Variants in PPP1R17 observed in about 807,000 individuals in gnomAD.
PPP1R17 encodes the protein protein phosphatase 1 regulatory subunit 17.
A neutral mutation model predicts 15.9 loss-of-function variants in PPP1R17; 12 were observed. That is an observed-to-expected ratio of 0.75 (90% CI 0.48 to 1.22). PPP1R17 has a LOEUF of 1.22. Among genes scored for constraint, PPP1R17 ranks in the 50% most tolerant of loss-of-function variants. The probability of loss-of-function intolerance (pLI) is 0.00; values close to 1 mark genes in which losing one functional copy is unlikely to be tolerated. For synonymous variants in PPP1R17, 63 were observed against 64.5 expected (o/e 0.98, Z 0.11); for missense variants, 211 against 187.3 (o/e 1.13, Z -0.74).
chr7:31,697,172 C>T, intron 4 of PPP1R17, 55 bp downstream of exon 4: 1 of 1,588,156 alleles, frequency 6.3e-7, no homozygotes, highest in East Asian at 2.2e-5. Context: ...GGTCAAGAAC[C>T]TTACCATCTG....
chr7:31,700,501 C>T (rs1792799402), intron 4 of PPP1R17, among the ~76,000 whole-genome samples: 1 of 152,178 alleles, frequency 6.6e-6, no homozygotes, highest in South Asian at 2.1e-4. Flanking sequence ...AGTGAAGCAA[C>T]AAGCGCTGAT....
chr7:31,700,016 G>T (rs961582536), intron 4 of PPP1R17, among the ~76,000 whole-genome samples: 17 of 152,002 alleles, frequency 1.1e-4, no homozygotes, highest in Non-Finnish European at 1.8e-4. Flanking sequence ...TTGAAATAAG[G>T]CCAATCAATA....
chr7:31,697,303 G>A (rs1792630343), intron 4 of PPP1R17, among the ~76,000 whole-genome samples, 186 bp downstream of exon 4: 1 of 152,158 alleles, frequency 6.6e-6, no homozygotes. Flanking sequence ...GCTCCCCAGG[G>A]GCTGATGTGG....
rs1792330808 is a variant in PPP1R17, at chr7:31,691,285, G to A, written c.-36-1121G>A. Among the ~76,000 whole-genome samples the A allele has an allele frequency of 2.0e-5, 3 of 152,172 alleles. No individual in the cohort carries two copies. In the South Asian group the frequency reaches 6.2e-4, roughly 32 times the overall value. On this transcript the variant is annotated intron_variant, in intron 1 of 4. Coordinates refer to ENST00000342032, the MANE Select transcript of PPP1R17 (RefSeq NM_006658.5). ...CCGGTTTATTCCTCAAAAGACAACA[G>A]AGTTGAACTCATTTTATGAGCTTGA...
intron 1 of PPP1R17, among the ~76,000 whole-genome samples, chr7:31,690,305 T>C (rs1484753547): frequency 6.6e-6 from 1 of 152,254 alleles, no homozygotes; most frequent in Non-Finnish European, 1.5e-5. Context: ...GTGCTAAGCA[T>C]GCAGCTATGC....
intron 4 of PPP1R17, among the ~76,000 whole-genome samples, chr7:31,698,128 C>T (rs2128242896): frequency 6.6e-6 from 1 of 152,298 alleles, no homozygotes; most frequent in African/African-American, 2.4e-5. Context: ...ATTATAGGAA[C>T]AGAAGAAACA....
intron 1 of PPP1R17, among the ~76,000 whole-genome samples, chr7:31,687,853 T>C (rs111443170): frequency 2.0e-4 from 31 of 152,326 alleles, no homozygotes; most frequent in African/African-American, 5.8e-4. Flanking sequence ...TCTACCCTTT[T>C]ATTCCATCCA....
rs1355061062 is a variant in PPP1R17, at chr7:31,687,574, C to T, written c.-37+268C>T. Among the ~76,000 whole-genome samples, 3 of 152,212 alleles carry T rather than the reference C, an allele frequency of 2.0e-5. No homozygotes were observed. The East Asian group carries it at 5.8e-4, about 29-fold the overall frequency. On this transcript the variant is annotated intron_variant, in intron 1 of 4. Coordinates refer to ENST00000342032, the MANE Select transcript of PPP1R17 (RefSeq NM_006658.5). ...AAGTTGGTGTATCTGCATATTCACA[C>T]AGGATAGAGAGGTTTATCTTCCAAG...
chr7:31,690,146 G>C (rs1313274321), intron 1 of PPP1R17, among the ~76,000 whole-genome samples: 3 of 152,160 alleles, frequency 2.0e-5, no homozygotes, highest in African/African-American at 7.2e-5. Flanking sequence ...AGGAGGCCTG[G>C]ACCTCCCGTG....
intron 4 of PPP1R17, among the ~76,000 whole-genome samples, chr7:31,703,331 GTTTAC>G (rs1792931817): frequency 6.6e-6 from 1 of 152,172 alleles, no homozygotes; most frequent in Non-Finnish European, 1.5e-5. Flanking sequence ...GTTGAGCTCT[GTTTAC>G]CTGGCATGAG....
Position 31,695,524 on chromosome 7 carries a change from G to C in PPP1R17, c.138G>C (p.Lys46Asn), listed in dbSNP as rs1792540695. Residue 46 changes from lysine to asparagine, a missense_variant, in exon 3 of 5, where the codon AAG becomes AAC. Lys to Asn is a moderately conservative substitution (Grantham distance 94). Coordinates refer to ENST00000342032, the MANE Select transcript of PPP1R17 (RefSeq NM_006658.5). ...KDCDLKKKPR[K>N]GKNVQATLNV... ...GTGATCTCAAAAAGAAGCCTAGAAA[G>C]GGAAAAAATGTACAGGCCACCCTGA... is the stretch of plus-strand genomic sequence containing the variant. The C allele has an allele frequency of 6.2e-7, 1 of 1,613,420 alleles. No individual in the cohort carries two copies. Among genetic ancestry groups the C allele is most frequent in the Non-Finnish European group, 8.5e-7 (1 of 1,179,812 alleles).
chr7:31,689,637 G>A (rs1395555252), intron 1 of PPP1R17, among the ~76,000 whole-genome samples: 2 of 152,104 alleles, frequency 1.3e-5, no homozygotes, highest in Non-Finnish European at 2.9e-5. Flanking sequence ...GGATAGAAAT[G>A]GAGAGTGAGT....
At chr7:31,697,209 C>T (rs1792625814) in intron 4 of PPP1R17, 92 bp downstream of exon 4, 1 of 1,486,596 alleles carries the variant, frequency 6.7e-7, no homozygotes, top group African/African-American at 1.4e-5. Context: ...GGCCGTTGTC[C>T]TGCCCCAGCA....
chr7:31,703,661 C>G (rs1047262403), intron 4 of PPP1R17, among the ~76,000 whole-genome samples: 4 of 152,196 alleles, frequency 2.6e-5, no homozygotes, highest in Admixed American at 1.3e-4. Flanking sequence ...AGGATAGAGC[C>G]TTCGGCAGAT....
chr7:31,690,630 A>G (rs1230926952), intron 1 of PPP1R17, among the ~76,000 whole-genome samples: 2 of 152,238 alleles, frequency 1.3e-5, no homozygotes. Context: ...ATTTGACTCA[A>G]GAATCCAGAT....
At chr7:31,688,158 G>A (rs528016496) in intron 1 of PPP1R17, among the ~76,000 whole-genome samples, 5 of 152,218 alleles carry the variant, frequency 3.3e-5, no homozygotes, top group South Asian at 4.2e-4. Context: ...ACCTGGGCTC[G>A]GGACTCCATG....
rs10452754 is a variant in PPP1R17 at position 31,696,262 on chromosome 7, T to C, written c.235+641T>C. 3.6e-3 allele frequency among the ~76,000 whole-genome samples: 542 copies of C among 152,340 alleles called. 2 individuals are homozygous for C. The highest frequency in any genetic ancestry group is 0.012 in the African/African-American group (506 of 41,580). On this transcript the variant is annotated intron_variant, in intron 3 of 4. Coordinates refer to ENST00000342032, the MANE Select transcript of PPP1R17 (RefSeq NM_006658.5). The stretch of plus-strand genomic sequence containing the variant: ...TGTCACTAATTTACTGTCATCTCTG[T>C]TCACAACACACCTTGAGGGTTGCAA...
intron 2 of PPP1R17, among the ~76,000 whole-genome samples, chr7:31,692,743 CAGAG>C (rs1442399392): frequency 1.3e-5 from 2 of 152,064 alleles, no homozygotes; most frequent in South Asian, 2.1e-4. Context: ...GTTCATTAGA[CAGAG>C]AGAGAGAAAG....
chr7:31,696,997 G>A lies in PPP1R17; in HGVS notation c.268G>A (p.Asp90Asn), dbSNP rs150314380. ...TTCAGAACATTTAATTAAAAGATAC[G>A]ATGTTCAAGAGAGACATCCAAAGGG... ...VFSEHLIKRY[D>N]VQERHPKGKM... The change falls in exon 4 of 5, where the codon GAT becomes AAT. Residue 90 changes from aspartate to asparagine, a missense_variant. Asp to Asn is a conservative substitution (Grantham distance 23). Transcript: ENST00000342032. 1.2e-5 allele frequency: 19 copies of A among 1,613,894 alleles called. No individual in the cohort carries two copies. The highest frequency in any genetic ancestry group is 1.5e-5 in the Non-Finnish European group (18 of 1,179,960).
Sources: gnomAD v4.1 joint callset for allele counts (sites outside exome capture counted in the v4.1 genomes callset) on GRCh38, gnomAD v4.1.1 for gene constraint, MANE v1.5 for transcripts, NCBI Gene and HGNC (gene_info 2026-07-23, HGNC 2026-07-21) for gene names.